TNFAIP6: variants seen among roughly 807,000 people sequenced by gnomAD.
TNFAIP6 encodes TNF alpha induced protein 6, also known as tumor necrosis factor-inducible gene 6 protein.
A neutral mutation model predicts 33.7 loss-of-function variants in TNFAIP6; 36 were observed. That is an observed-to-expected ratio of 1.07 (90% CI 0.82 to 1.41). The LOEUF (loss-of-function observed/expected upper bound fraction) is 1.41. TNFAIP6 is among the 40% of genes most tolerant of loss of function. TNFAIP6 has a pLI of 0.00. For synonymous variants in TNFAIP6, 113 were observed against 112.8 expected (o/e 1.00, Z -0.01); for missense variants, 273 against 331.9 (o/e 0.82, Z 1.38).
chr2:151,375,176 C>G (rs1684883414), intron 5 of TNFAIP6, among the ~76,000 whole-genome samples: 1 of 146,828 alleles, frequency 6.8e-6, no homozygotes, highest in Non-Finnish European at 1.5e-5. Context: ...CCTTTTTTCT[C>G]TAAAGTAGAC....
intron 1 of TNFAIP6, 103 bp downstream of exon 1, chr2:151,357,863 A>C: frequency 3.0e-6 from 2 of 675,460 alleles, no homozygotes; most frequent in Non-Finnish European, 5.0e-6. Context: ...TACAAGGCTG[A>C]TGTTCTCAAA....
At chr2:151,370,675 G>T (rs1026678305) in intron 4 of TNFAIP6, among the ~76,000 whole-genome samples, 1 of 152,114 alleles carries the variant, frequency 6.6e-6, no homozygotes, top group Non-Finnish European at 1.5e-5. Flanking sequence ...GTTAGTCTAT[G>T]TTATAAACAC....
intron 1 of TNFAIP6, among the ~76,000 whole-genome samples, chr2:151,358,070 C>A (rs1190116798): frequency 2.6e-5 from 4 of 152,114 alleles, no homozygotes; most frequent in Non-Finnish European, 5.9e-5. Context: ...AGGAGTATTT[C>A]TTTAACCAAC....
Position 151,369,999 on chromosome 2 carries a change from T to C in TNFAIP6, c.395-21T>C, listed in dbSNP as rs376869350. ...TTCCTAATGCTTTGGGGTTTTTACG[T>C]TTTTTTTCTTCTCATTTCAGCAAAG... is the stretch of plus-strand genomic sequence containing the variant. On this transcript the variant is annotated intron_variant, in intron 3 of 5. Coordinates refer to ENST00000243347, the MANE Select transcript of TNFAIP6 (RefSeq NM_007115.4). 93 of 1,564,542 alleles carry C rather than the reference T, an allele frequency of 5.9e-5. No homozygotes were observed. In the African/African-American group the frequency reaches 1.2e-3, roughly 20 times the overall value.
At chr2:151,358,103 T>G (rs1684565980) in intron 1 of TNFAIP6, among the ~76,000 whole-genome samples, 1 of 152,222 alleles carries the variant, frequency 6.6e-6, no homozygotes, top group African/African-American at 2.4e-5. Context: ...TATAGTCTTC[T>G]GTTTTTATGT....
intron 3 of TNFAIP6, among the ~76,000 whole-genome samples, chr2:151,369,481 T>C (rs969027817): frequency 5.3e-5 from 8 of 152,070 alleles, no homozygotes; most frequent in African/African-American, 1.7e-4. Flanking sequence ...ATTTACTTTT[T>C]TAAAATTCAT....
intron 5 of TNFAIP6, 142 bp downstream of exon 5, chr2:151,373,731 A>T: frequency 5.7e-6 from 2 of 350,538 alleles, no homozygotes; most frequent in Non-Finnish European, 1.0e-5. Flanking sequence ...GCAGCTTGCT[A>T]GGTTGTAAAA....
intron 4 of TNFAIP6, 55 bp downstream of exon 4, chr2:151,370,303 T>G: frequency 1.5e-6 from 2 of 1,327,862 alleles, no homozygotes; most frequent in Non-Finnish European, 2.1e-6. Context: ...TTTTGTTTGA[T>G]GCTTCTTTAA....
chr2:151,379,685 C>T lies in TNFAIP6; in HGVS notation c.*152C>T. 1.9e-6 allele frequency: 1 copy of T among 529,088 alleles called. No homozygotes were observed. The highest frequency in any genetic ancestry group is 3.0e-6 in the Non-Finnish European group (1 of 337,064). The allele number at this position is 529,088 out of a possible 1,614,324, so 32.8% of individuals were successfully genotyped here. A position where few individuals can be genotyped will look rare whatever the true frequency, so the allele number is the denominator to read the frequency against. On this transcript the variant is annotated 3_prime_UTR_variant, in exon 6 of 6. Transcript: ENST00000243347. ...AGGGAAAATTGGAAAATATAGGAAA[C>T]TTTAAACGAGAAAATGAAACCTCTC...
chr2:151,374,986 G>A (rs1307684333), intron 5 of TNFAIP6, among the ~76,000 whole-genome samples: 2 of 152,052 alleles, frequency 1.3e-5, no homozygotes, highest in South Asian at 2.1e-4. Context: ...TTAGCCAGGC[G>A]TGGAGGCACA....
In TNFAIP6 at chr2:151,370,814, A is replaced by G. The variant is rs542370124; in HGVS notation, c.623+566A>G. Among the ~76,000 whole-genome samples the G allele has an allele frequency of 1.5e-3, 225 of 152,358 alleles. 1 individual carries two copies. The highest frequency in any genetic ancestry group is 4.7e-3 in the African/African-American group (194 of 41,592). Reference sequence around the variant, plus strand: ...GCCGGGCACGGTGTCTCACGCCTGTAATCCACACCACTTTGGGAGGCCAAG... The same window carrying G: ...GCCGGGCACGGTGTCTCACGCCTGTGATCCACACCACTTTGGGAGGCCAAG... On this transcript the variant is annotated intron_variant, in intron 4 of 5. Coordinates refer to ENST00000243347, the MANE Select transcript of TNFAIP6 (RefSeq NM_007115.4).
chr2:151,358,720 A>G (rs1684575640), intron 1 of TNFAIP6, among the ~76,000 whole-genome samples: 1 of 152,328 alleles, frequency 6.6e-6, no homozygotes, highest in South Asian at 2.1e-4. Flanking sequence ...CTCTCTGGTA[A>G]TAACTGCAAC....
rs1239546520 is a variant in TNFAIP6 at position 151,364,176 on chromosome 2, C to G, written c.232+96C>G. 37 of 1,411,322 alleles carry G rather than the reference C, an allele frequency of 2.6e-5. 1 individual carries two copies. In the South Asian group the frequency reaches 4.2e-4, roughly 16 times the overall value. 87.4% of individuals were successfully genotyped at this position (1,411,322 alleles called of 1,614,324 possible). ...TAGTAAGACTTCTTTCTCCAACCCC[C>G]TTCTGATATATCACTAAGCCCCTAG... On this transcript the variant is annotated intron_variant, in intron 2 of 5. Transcript: ENST00000243347.
At chr2:151,377,514 G>C (rs938615908) in intron 5 of TNFAIP6, among the ~76,000 whole-genome samples, 1 of 151,902 alleles carries the variant, frequency 6.6e-6, no homozygotes, top group Admixed American at 6.6e-5. Context: ...TTTTAATAAG[G>C]CCTGTCGACT....
intron 3 of TNFAIP6, among the ~76,000 whole-genome samples, chr2:151,366,642 A>T (rs1422317053): frequency 6.6e-6 from 1 of 152,234 alleles, no homozygotes; most frequent in Non-Finnish European, 1.5e-5. Flanking sequence ...CAATAAAGTG[A>T]TGCTACCAAA....
chr2:151,378,880 C>T (rs62169366), intron 5 of TNFAIP6, among the ~76,000 whole-genome samples: 20,328 of 151,682 alleles, frequency 0.13, 1,470 homozygotes, highest in African/African-American at 0.16. Flanking sequence ...CGTGGACCAC[C>T]TGAGGTCGGG....
At chr2:151,367,027 T>C (rs1684724687) in intron 3 of TNFAIP6, among the ~76,000 whole-genome samples, 1 of 152,178 alleles carries the variant, frequency 6.6e-6, no homozygotes, top group African/African-American at 2.4e-5. Context: ...TTTAGGATCA[T>C]AAACATCCTC....
chr2:151,378,574 C>T (rs577588069), intron 5 of TNFAIP6, among the ~76,000 whole-genome samples: 5 of 151,840 alleles, frequency 3.3e-5, no homozygotes, highest in South Asian at 4.2e-4. Context: ...CTGCAACCTC[C>T]GCCTCCCGGG....
chr2:151,373,464 G>C, intron 4 of TNFAIP6, 85 bp from the exon 5 acceptor site: 2 of 650,242 alleles, frequency 3.1e-6, no homozygotes, highest in Non-Finnish European at 5.0e-6. Flanking sequence ...CTATTACTTA[G>C]AGGCTTAATT....
Sources: allele counts gnomAD v4.1 joint callset (sites outside exome capture counted in the v4.1 genomes callset), GRCh38; gene constraint gnomAD v4.1.1; transcripts MANE v1.5; gene names NCBI Gene and HGNC (gene_info 2026-07-23, HGNC 2026-07-21).